NF1: variants seen among roughly 807,000 people sequenced by gnomAD.
NF1 encodes neurofibromin.
In NF1, 122 loss-of-function variants were observed where a neutral mutation model predicts 325.7. The observed-to-expected ratio is 0.37, with a 90% CI of 0.32 to 0.44. The LOEUF (loss-of-function observed/expected upper bound fraction) is 0.44, where lower values mean the gene tolerates loss of function less well. Among genes scored for constraint, NF1 ranks in the 20% least tolerant of loss-of-function variants. The pLI is 1.00. For synonymous variants in NF1, 1,091 were observed against 1,186.0 expected (o/e 0.92, Z 1.65); for missense variants, 2,140 against 3,415.4 (o/e 0.63, Z 9.31).
chr17:31,310,777 G>A (rs1042061359), intron 36 of NF1, among the ~76,000 whole-genome samples: 3 of 151,900 alleles, frequency 2.0e-5, no homozygotes, highest in East Asian at 3.9e-4. Context: ...CTCATATGCC[G>A]GTTTTTACTC....
chr17:31,172,570 C>G (rs921297091), intron 5 of NF1, among the ~76,000 whole-genome samples: 2 of 152,084 alleles, frequency 1.3e-5, no homozygotes, highest in Admixed American at 6.5e-5. Context: ...CTTACAATAA[C>G]CCTGTGACGC....
At chr17:31,271,988 A>G (rs1046390308) in intron 36 of NF1, 4 of 152,154 alleles carry the variant, frequency 2.6e-5, no homozygotes, top group Admixed American at 6.5e-5. Flanking sequence ...TCAGTTTTGC[A>G]AACATTTAAA....
At chr17:31,097,958 C>T (rs1035345181) in intron 1 of NF1, among the ~76,000 whole-genome samples, 6 of 152,166 alleles carry the variant, frequency 3.9e-5, no homozygotes, top group African/African-American at 1.4e-4. Context: ...ACCCCCTGCT[C>T]GGCCTCCCGA....
Position 31,356,483 on chromosome 17 carries a change from T to A in NF1, c.7639T>A (p.Leu2547Met). Residue 2547 changes from leucine (L) to methionine (M), a missense_variant, in exon 52 of 58, where the codon TTG becomes ATG. Transcript: ENST00000358273. ...LLGTRKSFDH[L>M]ISDTKAPKRQ... ...AGGAACAAGGAAAAGTTTTGATCAC[T>A]TGATATCAGACACAAAGGCTCCTAA... The A allele has an allele frequency of 6.2e-7, 1 of 1,613,704 alleles. No homozygotes were observed. Among genetic ancestry groups the A allele is most frequent in the Non-Finnish European group, 8.5e-7 (1 of 1,179,730 alleles).
At position 31,336,578 on chromosome 17, in the gene NF1, T is replaced by C; in HGVS notation, c.6148-57T>C. 1 of 1,573,196 alleles carries C rather than the reference T, an allele frequency of 6.4e-7. No individual in the cohort carries two copies. The highest frequency in any genetic ancestry group is 8.6e-7 in the Non-Finnish European group (1 of 1,159,258). Reference sequence around the variant, plus strand: ...TAAATTAAACTGAACTTTTTTGTGCTAAAACTTTGAGTCCCATGTTTTTTT... The same window carrying C: ...TAAATTAAACTGAACTTTTTTGTGCCAAAACTTTGAGTCCCATGTTTTTTT... On this transcript the variant is annotated intron_variant, in intron 41 of 57. Coordinates refer to ENST00000358273, the MANE Select transcript of NF1 (RefSeq NM_001042492.3). This position sits in a 1 kb window ranked among gnomAD's most constrained non-coding sequence, Gnocchi z 5.5.
At chr17:31,121,744 T>G (rs1437984252) in intron 1 of NF1, among the ~76,000 whole-genome samples, 1 of 152,240 alleles carries the variant, frequency 6.6e-6, no homozygotes, top group Non-Finnish European at 1.5e-5. Flanking sequence ...TTACATATGT[T>G]GAGCCAGCCT....
At chr17:31,119,922 A>G (rs181229656) in intron 1 of NF1, among the ~76,000 whole-genome samples, 1 of 152,202 alleles carries the variant, frequency 6.6e-6, no homozygotes, top group African/African-American at 2.4e-5. Context: ...ATGGTTATAG[A>G]TGTGTGGTGT....
At chr17:31,184,841 G>A (rs1039365937) in intron 8 of NF1, among the ~76,000 whole-genome samples, 5 of 152,160 alleles carry the variant, frequency 3.3e-5, no homozygotes, top group South Asian at 2.1e-4. Context: ...CATGCAAGTG[G>A]CTGACCTGCA....
At chr17:31,357,187 G>C (rs2070293326) in intron 53 of NF1, 82 bp from the exon 54 acceptor site, 11 of 1,591,304 alleles carry the variant, frequency 6.9e-6, no homozygotes, top group Middle Eastern at 1.7e-4. Context: ...ATAGGATACA[G>C]TCTTCTACTT....
intron 1 of NF1, among the ~76,000 whole-genome samples, chr17:31,135,476 T>G (rs1915696953): frequency 6.6e-6 from 1 of 152,206 alleles, no homozygotes; most frequent in Admixed American, 6.5e-5. Context: ...TTTTTTTTCT[T>G]CTGCCTGGAG....
chr17:31,178,753 C>G (rs1281768598), intron 5 of NF1, among the ~76,000 whole-genome samples: 2 of 152,120 alleles, frequency 1.3e-5, no homozygotes, highest in Admixed American at 6.6e-5. Context: ...CAAAAAAGAT[C>G]AAAAGAGTCA....
At chr17:31,372,239 G>T (rs1272521594) in intron 57 of NF1, among the ~76,000 whole-genome samples, 1 of 152,110 alleles carries the variant, frequency 6.6e-6, no homozygotes, top group Non-Finnish European at 1.5e-5. Context: ...TTTGGCAGAT[G>T]TTTACCCAGC....
chr17:31,140,319 T>A (rs1916124234), intron 1 of NF1, among the ~76,000 whole-genome samples: 1 of 152,196 alleles, frequency 6.6e-6, no homozygotes. Flanking sequence ...ACTGAGAGAT[T>A]AATTGAGATA....
At chr17:31,255,739 C>T (rs1368192353) in intron 31 of NF1, among the ~76,000 whole-genome samples, 1 of 152,156 alleles carries the variant, frequency 6.6e-6, no homozygotes, top group African/African-American at 2.4e-5. Flanking sequence ...ATATGAGTCA[C>T]ATTTTAAAAC....
At position 31,363,961 on chromosome 17, in the gene NF1, G is replaced by A. The variant is rs150947821; in HGVS notation, c.8377+3258G>A. ...TCCCCATGTTGACCAGGCTGGTCTCGAACTCCTGACCTTAGGTGATCCACC... is the reference window on the plus strand; with the variant it reads ...TCCCCATGTTGACCAGGCTGGTCTCAAACTCCTGACCTTAGGTGATCCACC... On this transcript the variant is annotated intron_variant, in intron 57 of 57. Coordinates refer to ENST00000358273, the MANE Select transcript of NF1 (RefSeq NM_001042492.3). 2.8e-3 allele frequency among the ~76,000 whole-genome samples: 417 copies of A among 148,952 alleles called. 15 individuals are homozygous for A. The East Asian group carries it at 0.063, about 22-fold the overall frequency.
chr17:31,135,004 G>A (rs1365133763), intron 1 of NF1, among the ~76,000 whole-genome samples: 1 of 152,152 alleles, frequency 6.6e-6, no homozygotes, highest in Non-Finnish European at 1.5e-5. Context: ...TAAGCATACA[G>A]TCCATTTTTA....
At chr17:31,221,055 A>G (rs754390449) in intron 14 of NF1, among the ~76,000 whole-genome samples, 32 of 152,146 alleles carry the variant, frequency 2.1e-4, no homozygotes, top group Non-Finnish European at 2.9e-4. Context: ...CCAAGGACTG[A>G]AAGAAATGTC....
chr17:31,181,907 C>A, intron 7 of NF1, 122 bp downstream of exon 7: 1 of 717,524 alleles, frequency 1.4e-6, no homozygotes, highest in South Asian at 1.6e-5. Flanking sequence ...CTTCTATTGT[C>A]AACTGGTGTC....
chr17:31,271,591 A>T (rs1168323072), intron 36 of NF1, among the ~76,000 whole-genome samples: 1 of 152,082 alleles, frequency 6.6e-6, no homozygotes, highest in Non-Finnish European at 1.5e-5. Context: ...TCTACTAAAA[A>T]TACAAAAAAT....
Sources: gnomAD v4.1 joint callset for allele counts (sites outside exome capture counted in the v4.1 genomes callset) on GRCh38, gnomAD v4.1.1 for gene constraint, Gnocchi (gnomAD v3.1) non-coding constraint, MANE v1.5 for transcripts, NCBI Gene and HGNC (gene_info 2026-07-23, HGNC 2026-07-21) for gene names.